PASD1: variants seen among roughly 807,000 people sequenced by gnomAD.
PASD1 encodes the protein PAS domain containing repressor 1.
In PASD1, 13 loss-of-function variants were observed where a neutral mutation model predicts 58.8. That is an observed-to-expected ratio of 0.22 (90% CI 0.14 to 0.35). The LOEUF is 0.35. Among genes scored for constraint, PASD1 ranks in the 10% least tolerant of loss-of-function variants. The pLI is 1.00. For synonymous variants in PASD1, 236 were observed against 216.7 expected (o/e 1.09, Z -0.78); for missense variants, 734 against 568.3 (o/e 1.29, Z -2.96).
At chrX:151,586,453 C>A (rs1278236146) in intron 1 of PASD1, among the ~76,000 whole-genome samples, 1 of 111,943 alleles carries the variant, frequency 8.9e-6, no homozygotes, top group African/African-American at 3.3e-5. Flanking sequence ...AGCTATGTAA[C>A]TTCAGACAAG....
At chrX:151,573,532 G>A (rs2012957756) in intron 1 of PASD1, among the ~76,000 whole-genome samples, 2 of 112,697 alleles carry the variant, frequency 1.8e-5, no homozygotes, top group African/African-American at 6.4e-5. Flanking sequence ...GACAATACAG[G>A]ACTTTGATAC....
intron 4 of PASD1, among the ~76,000 whole-genome samples, chrX:151,619,247 T>C (rs1751820348): frequency 9.0e-6 from 1 of 111,697 alleles, no homozygotes; most frequent in Non-Finnish European, 1.9e-5. Flanking sequence ...AGTAAATGGG[T>C]AAATGGTGGT....
intron 14 of PASD1, 38 bp from the exon 15 acceptor site, chrX:151,673,890 C>A (rs2014509256): frequency 8.3e-7 from 1 of 1,205,614 alleles, no homozygotes; most frequent in South Asian, 1.8e-5. Flanking sequence ...TTATCATGTC[C>A]AGATCCACAT....
At chrX:151,668,126 G>T (rs2014409466) in intron 11 of PASD1, among the ~76,000 whole-genome samples, 1 of 111,087 alleles carries the variant, frequency 9.0e-6, no homozygotes, top group African/African-American at 3.3e-5. Context: ...CATTCAGTAT[G>T]ATATTGGCTG....
At chrX:151,640,147 A>G (rs1363689697) in intron 8 of PASD1, among the ~76,000 whole-genome samples, 1 of 111,707 alleles carries the variant, frequency 9.0e-6, no homozygotes, top group Admixed American at 9.5e-5. Flanking sequence ...CAGATGCCAA[A>G]TAAAACATGG....
chrX:151,674,042 C>T lies in PASD1; in HGVS notation c.2031C>T (p.Asp677=). The change falls in exon 15 of 16, where the codon GAC becomes GAT. Residue 677 remains aspartate, a synonymous_variant. Coordinates refer to ENST00000370357, the MANE Select transcript of PASD1 (RefSeq NM_173493.3). ...SSIPQFPITS[D]STISTLETPQ... ...TTCCTCAGTTTCCCATAACTTCAGACTCAACCATAAGCACCCTGGAGACCC... is the reference window on the plus strand; with the variant it reads ...TTCCTCAGTTTCCCATAACTTCAGATTCAACCATAAGCACCCTGGAGACCC... The T allele has an allele frequency of 8.3e-7, 1 of 1,211,874 alleles. No homozygotes were observed. Among genetic ancestry groups the T allele is most frequent in the Non-Finnish European group, 1.1e-6 (1 of 895,445 alleles).
intron 1 of PASD1, among the ~76,000 whole-genome samples, chrX:151,598,869 G>A (rs375639924): frequency 1.9e-3 from 206 of 110,590 alleles, no homozygotes; most frequent in African/African-American, 6.4e-3. Context: ...GTTTCTTGGA[G>A]AGGGGGATTT....
chrX:151,594,473 G>A (rs2013291456), intron 1 of PASD1, among the ~76,000 whole-genome samples: 1 of 110,454 alleles, frequency 9.1e-6, no homozygotes, highest in African/African-American at 3.3e-5. Flanking sequence ...TGTTGTCTAG[G>A]CAGTTTGTCA....
chrX:151,654,675 G>A (rs950773816), intron 9 of PASD1, among the ~76,000 whole-genome samples: 12 of 111,702 alleles, frequency 1.1e-4, no homozygotes, highest in Non-Finnish European at 2.1e-4. Flanking sequence ...GTTAGGACCT[G>A]TAGGTCATTG....
chrX:151,644,714 C>G (rs966977185), intron 8 of PASD1, among the ~76,000 whole-genome samples: 1 of 107,026 alleles, frequency 9.3e-6, no homozygotes, highest in Admixed American at 9.9e-5. Flanking sequence ...CAGATTACAA[C>G]GTAATTTTTC....
At chrX:151,583,025 TAGTGAGCTGAAGGTCAC>T (rs1341385487) in intron 1 of PASD1, among the ~76,000 whole-genome samples, 2 of 111,852 alleles carry the variant, frequency 1.8e-5, no homozygotes, top group African/African-American at 6.5e-5. Flanking sequence ...TGCTTAGTCC[TAGTGAGCTGAAGGTCAC>T]AGATGGAAAT....
intron 11 of PASD1, among the ~76,000 whole-genome samples, chrX:151,667,689 G>T: frequency 8.9e-6 from 1 of 111,849 alleles, no homozygotes; most frequent in East Asian, 2.8e-4. Context: ...TAAGATGGTT[G>T]TAGATATGTG....
intron 9 of PASD1, among the ~76,000 whole-genome samples, chrX:151,656,136 G>C (rs1364186393): frequency 2.7e-5 from 3 of 111,655 alleles, no homozygotes; most frequent in African/African-American, 9.8e-5. Flanking sequence ...TCTTGTTTTT[G>C]TCAGGTTTGT....
At chrX:151,571,212 G>C (rs978799653) in intron 1 of PASD1, among the ~76,000 whole-genome samples, 1 of 112,154 alleles carries the variant, frequency 8.9e-6, no homozygotes, top group Non-Finnish European at 1.9e-5. Flanking sequence ...TATTAAAATG[G>C]AACAAATTGA....
At chrX:151,656,283 T>A (rs1394486320) in intron 9 of PASD1, among the ~76,000 whole-genome samples, 50 of 111,826 alleles carry the variant, frequency 4.5e-4, no homozygotes, top group African/African-American at 1.6e-3. Context: ...TGAAGTCAGG[T>A]AGCATGATGC....
At chrX:151,614,141 C>T (rs370145626) in intron 4 of PASD1, among the ~76,000 whole-genome samples, 22 of 110,488 alleles carry the variant, frequency 2.0e-4, no homozygotes, top group South Asian at 4.0e-4. Flanking sequence ...CGCATCACCA[C>T]GCCTGGCTAA....
In PASD1 at chrX:151,675,780, C is replaced by T. The variant is rs537026632; in HGVS notation, c.2176-217C>T. On this transcript the variant is annotated intron_variant, in intron 15 of 15. Coordinates refer to ENST00000370357, the MANE Select transcript of PASD1 (RefSeq NM_173493.3). ...ACTTTGAGAAAGCCCAGGTCTGCTT[C>T]TGCTGCTCTTTAAGCTAAGATGCTG... Among the ~76,000 whole-genome samples the T allele has an allele frequency of 7.1e-5, 8 of 112,630 alleles. No homozygotes were observed. In the South Asian group the frequency reaches 3.0e-3, roughly 42 times the overall value.
At chrX:151,581,227 C>CCAAAAAAAAAAAAA (rs2013086863) in intron 1 of PASD1, among the ~76,000 whole-genome samples, 1 of 31,505 alleles carries the variant, frequency 3.2e-5, no homozygotes, top group East Asian at 5.3e-3. Flanking sequence ...AGCTCTGTAT[C>CCAAAAAAAAAAAAA]AAAAAAAAAA....
chrX:151,587,270 G>A (rs377412074), intron 1 of PASD1, among the ~76,000 whole-genome samples: 1 of 101,319 alleles, frequency 9.9e-6, no homozygotes, highest in African/African-American at 3.7e-5. Flanking sequence ...ACAGGATTAG[G>A]ATTAGCTGGG....
Sources: allele counts gnomAD v4.1 joint callset (sites outside exome capture counted in the v4.1 genomes callset), GRCh38; gene constraint gnomAD v4.1.1; transcripts MANE v1.5; gene names NCBI Gene and HGNC (gene_info 2026-07-23, HGNC 2026-07-21).